The following CTNNA2 variants were observed in gnomAD, a reference collection of about 807,000 sequenced individuals.
The protein encoded by CTNNA2 is catenin alpha 2.
A neutral mutation model predicts 101.0 loss-of-function variants in CTNNA2; 42 were observed. The ratio of observed to expected loss-of-function variants is 0.42; its 90% CI spans 0.32 to 0.54. The LOEUF (loss-of-function observed/expected upper bound fraction) is 0.54, where lower values mean the gene tolerates loss of function less well. CTNNA2 is among the 20% of genes least tolerant of loss of function. CTNNA2 has a pLI of 0.14. For missense variants in CTNNA2, 871 were observed against 1,223.1 expected, an observed-to-expected ratio of 0.71 and a Z score of 4.29; for synonymous variants, 450 against 456.4, an observed-to-expected ratio of 0.99 and a Z score of 0.18.
At chr2:79,267,777 G>A (rs1317772341) in intron 2 of CTNNA2, among the ~76,000 whole-genome samples, 1 of 152,102 alleles carries the variant, frequency 6.6e-6, no homozygotes, top group Non-Finnish European at 1.5e-5. Flanking sequence ...TTACTAATAT[G>A]GGGAATTGTC....
intron 9 of CTNNA2, among the ~76,000 whole-genome samples, chr2:80,542,434 C>A (rs1691653527): frequency 6.6e-6 from 1 of 151,794 alleles, no homozygotes; most frequent in South Asian, 2.1e-4. Flanking sequence ...CTGACCTTTT[C>A]TTTTTTTGGC....
At chr2:79,257,811 A>T (rs1674867926) in intron 2 of CTNNA2, among the ~76,000 whole-genome samples, 1 of 151,890 alleles carries the variant, frequency 6.6e-6, no homozygotes, top group South Asian at 2.1e-4. Context: ...CTTAAAAAAA[A>T]AAAAGAAGAA....
chr2:79,921,809 G>A (rs1686672191), intron 7 of CTNNA2, among the ~76,000 whole-genome samples: 1 of 152,160 alleles, frequency 6.6e-6, no homozygotes, highest in Non-Finnish European at 1.5e-5. Flanking sequence ...TTTCGTTCTA[G>A]GTTCTTTTGG....
intron 1 of CTNNA2, among the ~76,000 whole-genome samples, chr2:79,563,186 TA>T (rs1439099566): frequency 5.3e-4 from 17 of 31,980 alleles, no homozygotes; most frequent in East Asian, 4.3e-3. Flanking sequence ...TATATATATA[TA>T]TTTTCCTTCA....
chr2:80,100,566 T>C (rs1005286962), intron 7 of CTNNA2, among the ~76,000 whole-genome samples: 1 of 152,232 alleles, frequency 6.6e-6, no homozygotes, highest in African/African-American at 2.4e-5. Context: ...CTAGTCAATG[T>C]CATGAGACTA....
chr2:80,291,443 G>C (rs1675229921), intron 7 of CTNNA2, among the ~76,000 whole-genome samples: 1 of 152,230 alleles, frequency 6.6e-6, no homozygotes, highest in Admixed American at 6.5e-5. Flanking sequence ...TTTGTCTCTT[G>C]ATACAGGACC....
At chr2:80,320,533 C>T (rs1225210877) in intron 7 of CTNNA2, among the ~76,000 whole-genome samples, 2 of 152,132 alleles carry the variant, frequency 1.3e-5, no homozygotes, top group African/African-American at 2.4e-5. Context: ...ATTCACCCCC[C>T]GATGATTGCC....
intron 4 of CTNNA2, among the ~76,000 whole-genome samples, chr2:79,396,214 G>A (rs1678228360): frequency 6.6e-6 from 1 of 151,836 alleles, no homozygotes; most frequent in Admixed American, 6.6e-5. Context: ...CTAGGCTGGA[G>A]TACAATGGTG....
chr2:79,896,284 CA>C (rs200678340), intron 6 of CTNNA2, among the ~76,000 whole-genome samples: 164 of 140,836 alleles, frequency 1.2e-3, no homozygotes, highest in Admixed American at 1.1e-3. Flanking sequence ...GACCCTGTCT[CA>C]AAAAAAAAAA....
Position 80,064,563 on chromosome 2 carries a change from G to T in CTNNA2, c.1056+154766G>T, listed in dbSNP as rs1239555535. On this transcript the variant is annotated intron_variant, in intron 7 of 18. Transcript: ENST00000402739. Reference sequence around the variant, plus strand: ...CTCTTGAAGCTCCAAGTAGCTGGTGGCTCAGCTGGGGCTGGATGGTTAAAG... The same window carrying T: ...CTCTTGAAGCTCCAAGTAGCTGGTGTCTCAGCTGGGGCTGGATGGTTAAAG... 2.0e-5 allele frequency among the ~76,000 whole-genome samples: 3 copies of T among 152,238 alleles called. No individual in the cohort carries two copies. In the East Asian group the frequency reaches 5.8e-4, roughly 29 times the overall value.
At chr2:80,583,469 T>A (rs1695712207) in intron 14 of CTNNA2, among the ~76,000 whole-genome samples, 1 of 152,228 alleles carries the variant, frequency 6.6e-6, no homozygotes, top group African/African-American at 2.4e-5. Flanking sequence ...AACAGTCAAT[T>A]CATCTTCAGA....
intron 7 of CTNNA2, among the ~76,000 whole-genome samples, chr2:79,993,298 G>A (rs1176654472): frequency 6.6e-6 from 1 of 152,116 alleles, no homozygotes; most frequent in Non-Finnish European, 1.5e-5. Flanking sequence ...CTGCAGCATG[G>A]TATGCACTGA....
chr2:79,358,414 G>A (rs906693867), intron 3 of CTNNA2, among the ~76,000 whole-genome samples: 2 of 152,042 alleles, frequency 1.3e-5, no homozygotes, highest in Non-Finnish European at 2.9e-5. Context: ...TGGCCAGGCT[G>A]ATCTCGAACT....
At chr2:80,517,140 A>G (rs922115776) in intron 9 of CTNNA2, among the ~76,000 whole-genome samples, 4 of 152,222 alleles carry the variant, frequency 2.6e-5, no homozygotes, top group Non-Finnish European at 5.9e-5. Context: ...TCAGTTAGGC[A>G]CTATAAATTT....
intron 1 of CTNNA2, among the ~76,000 whole-genome samples, chr2:79,573,446 T>G (rs561027312): frequency 9.9e-5 from 15 of 152,184 alleles, no homozygotes; most frequent in Non-Finnish European, 1.9e-4. Flanking sequence ...ATATACCTAG[T>G]CTGAAGTCTG....
At chr2:80,196,698 C>T (rs2149007489) in intron 7 of CTNNA2, among the ~76,000 whole-genome samples, 1 of 152,272 alleles carries the variant, frequency 6.6e-6, no homozygotes, top group African/African-American at 2.4e-5. Flanking sequence ...TTCTATGAAG[C>T]CGTTCTCTAC....
At chr2:79,904,402 A>G (rs1279762176) in intron 6 of CTNNA2, among the ~76,000 whole-genome samples, 4 of 152,222 alleles carry the variant, frequency 2.6e-5, no homozygotes, top group Admixed American at 6.5e-5. Context: ...ATAGCATAAA[A>G]AGGACAGCAT....
chr2:80,312,646 G>A lies in CTNNA2; in HGVS notation c.1057-80565G>A, dbSNP rs577019233. ...ACTGATTTTGTGAAGAGAAACTTGGGGTTCAATATATTTAACAGAACCAAT... is the reference window on the plus strand; with the variant it reads ...ACTGATTTTGTGAAGAGAAACTTGGAGTTCAATATATTTAACAGAACCAAT... On this transcript the variant is annotated intron_variant, in intron 7 of 18. Transcript: ENST00000402739. Among the ~76,000 whole-genome samples the A allele has an allele frequency of 3.3e-5, 5 of 152,252 alleles. No individual in the cohort carries two copies. In the South Asian group the frequency reaches 1.0e-3, roughly 32 times the overall value.
intron 7 of CTNNA2, among the ~76,000 whole-genome samples, chr2:80,099,690 C>T (rs1700417093): frequency 6.6e-6 from 1 of 150,616 alleles, no homozygotes; most frequent in African/African-American, 2.5e-5. Context: ...ATCTAAACTT[C>T]GTATTTCTGG....
Sources: allele counts gnomAD v4.1 joint callset (sites outside exome capture counted in the v4.1 genomes callset), GRCh38; gene constraint gnomAD v4.1.1; transcripts MANE v1.5; gene names NCBI Gene and HGNC (gene_info 2026-07-23, HGNC 2026-07-21).